HES7: variants seen among roughly 807,000 people sequenced by gnomAD.
The protein encoded by HES7 is hes family bHLH transcription factor 7, also known as transcription factor HES-7.
HES7 carries 8 observed loss-of-function variants against 18.0 expected under a neutral mutation model. The ratio of observed to expected loss-of-function variants is 0.45; its 90% confidence interval spans 0.26 to 0.80. The LOEUF is 0.80. HES7 is among the 30% of genes least tolerant of loss of function. HES7 has a pLI of 0.18. For synonymous variants in HES7, 170 were observed against 158.6 expected (o/e 1.07, Z -0.54); for missense variants, 356 against 340.9 (o/e 1.04, Z -0.35).
upstream of HES7, among the ~76,000 whole-genome samples, chr17:8,124,987 C>G (rs1027662721): frequency 6.6e-6 from 1 of 152,162 alleles, no homozygotes; most frequent in African/African-American, 2.4e-5. Flanking sequence ...AGTGTGCCCG[C>G]ATTGCTTGCT....
rs1981368935 is a variant in HES7 at position 8,121,990 on chromosome 17, C to T, written c.274G>A (p.Ala92Thr). 6.5e-7 allele frequency: 1 copy of T among 1,531,850 alleles called. No homozygotes were observed. The highest frequency in any genetic ancestry group is 8.7e-7 in the Non-Finnish European group (1 of 1,148,248). 94.9% of individuals were successfully genotyped at this position (1,531,850 alleles called of 1,614,324 possible). ...CCGGACAAGTAGCAGCTGGCGAGCG[C>T]CTCGGCGTCCTGGACTGGGGACCGG... ...VPRSPVQDAE[A>T]LASCYLSGFR... The change falls in exon 4 of 4, where the codon GCG becomes ACG. Residue 92 changes from alanine to threonine, a missense_variant. Transcript: ENST00000541682.
upstream of HES7, among the ~76,000 whole-genome samples, chr17:8,124,566 T>C (rs1342653874): frequency 6.6e-6 from 1 of 152,216 alleles, no homozygotes; most frequent in East Asian, 1.9e-4. Context: ...TGGGTGAATC[T>C]GTCCGACTCA....
chr17:8,125,947 C>A (rs1981591657), upstream of HES7, among the ~76,000 whole-genome samples: 1 of 152,198 alleles, frequency 6.6e-6, no homozygotes, highest in Admixed American at 6.5e-5. Flanking sequence ...GAGTTTGCAG[C>A]CCCAGGCCTA....
At position 8,122,924 on chromosome 17, in the gene HES7, G is replaced by T; in HGVS notation, c.138+107C>A. The T allele has an allele frequency of 1.2e-6, 1 of 834,550 alleles. No individual in the cohort carries two copies. The highest frequency in any genetic ancestry group is 2.0e-6 in the Non-Finnish European group (1 of 493,094). The allele number at this position is 834,550 out of a possible 1,614,324, so 51.7% of individuals were successfully genotyped here. A position where few individuals can be genotyped will look rare whatever the true frequency, so the allele number is the denominator to read the frequency against. On this transcript the variant is annotated intron_variant, in intron 2 of 3. Transcript: ENST00000541682. The surrounding 1 kb of genome is among the most constrained non-coding windows in gnomAD (Gnocchi z 6.9). The stretch of plus-strand genomic sequence containing the variant: ...CCAAAGGCGGGACTCGGGTGAGGAT[G>T]CCTTGGGGCCAGGGTTGCCAACCAA...
chr17:8,122,464 A>T lies in HES7; in HGVS notation c.139-34T>A. 1.2e-4 allele frequency: 134 copies of T among 1,137,248 alleles called. No homozygotes were observed. Among genetic ancestry groups the T allele is most frequent in the Middle Eastern group, 2.0e-4 (1 of 5,128 alleles). The allele number at this position is 1,137,248 out of a possible 1,614,324, so 70.4% of individuals were successfully genotyped here. ...GGGAGGGGAGGGCGCAGAGACAGAA[A>T]GGGGTGGGGAGAAAGGGGGAAAGTG... On this transcript the variant is annotated intron_variant, in intron 2 of 3. Coordinates refer to ENST00000541682, the MANE Select transcript of HES7 (RefSeq NM_001165967.2). This position sits in a 1 kb window ranked among gnomAD's most constrained non-coding sequence, Gnocchi z 6.9.
In HES7 at chr17:8,122,448, G is replaced by C. The variant is rs1396862922; in HGVS notation, c.139-18C>G. 6.5e-7 allele frequency: 1 copy of C among 1,545,136 alleles called. No homozygotes were observed. The highest frequency in any genetic ancestry group is 1.2e-5 in the South Asian group (1 of 84,552). ...CGGAGGTTCTACAGACGGGAGGGGA[G>C]GGCGCAGAGACAGAAAGGGGTGGGG... On this transcript the variant is annotated intron_variant, in intron 2 of 3. Coordinates refer to ENST00000541682, the MANE Select transcript of HES7 (RefSeq NM_001165967.2). The surrounding 1 kb of genome is among the most constrained non-coding windows in gnomAD (Gnocchi z 6.9).
chr17:8,123,828 G>A lies in HES7; in HGVS notation c.42+215C>T, dbSNP rs952643854. ...CCGACACCCATTACCGAGGCCCCTA[G>A]TCCTATGTTCCCGCCGCCCACTCAG... On this transcript the variant is annotated intron_variant, in intron 1 of 3. Coordinates refer to ENST00000541682, the MANE Select transcript of HES7 (RefSeq NM_001165967.2). This position sits in a 1 kb window ranked among gnomAD's most constrained non-coding sequence, Gnocchi z 5.9. Among the ~76,000 whole-genome samples the A allele has an allele frequency of 6.6e-6, 1 of 152,192 alleles. No individual in the cohort carries two copies. The highest frequency in any genetic ancestry group is 1.5e-5 in the Non-Finnish European group (1 of 68,040).
At chr17:8,125,967 G>A (rs1423118008), upstream of HES7, among the ~76,000 whole-genome samples, 1 of 152,032 alleles carries the variant, frequency 6.6e-6, no homozygotes, top group Non-Finnish European at 1.5e-5. Context: ...AAACGATTCC[G>A]CACGCCCTCG....
upstream of HES7, among the ~76,000 whole-genome samples, chr17:8,124,377 G>A (rs1981517238): frequency 1.3e-5 from 2 of 152,174 alleles, no homozygotes; most frequent in South Asian, 4.1e-4. Context: ...GGCTATTGGG[G>A]CAGAGCTCGC....
rs1981387872 is a variant in HES7 at position 8,122,235 on chromosome 17, G to T, written c.226+108C>A. 3 of 1,053,632 alleles carry T rather than the reference G, an allele frequency of 2.8e-6. No homozygotes were observed. The highest frequency in any genetic ancestry group is 4.2e-6 in the Non-Finnish European group (3 of 706,962). 65.3% of individuals were successfully genotyped at this position (1,053,632 alleles called of 1,614,324 possible). ...TTAACCTCGCCTCGGAGCAGAACCG[G>T]CCACTCCCCAAGCCCACCATCCACC... On this transcript the variant is annotated intron_variant, in intron 3 of 3. Transcript: ENST00000541682. The surrounding 1 kb of genome is among the most constrained non-coding windows in gnomAD (Gnocchi z 6.9).
In HES7 at chr17:8,121,621, G is replaced by T; in HGVS notation, c.643C>A (p.Pro215Thr). The T allele has an allele frequency of 7.6e-7, 1 of 1,313,420 alleles. No homozygotes were observed. The highest frequency in any genetic ancestry group is 9.6e-7 in the Non-Finnish European group (1 of 1,038,688). 81.4% of individuals were successfully genotyped at this position (1,313,420 alleles called of 1,614,324 possible). A position where few individuals can be genotyped will look rare whatever the true frequency, so the allele number is the denominator to read the frequency against. Reference protein sequence around the residue: ...PPPPHRQDGAPKAPLPPPPAF... With the variant: ...PPPPHRQDGATKAPLPPPPAF... ...GGCGGCGGGGGCAGCGGGGCCTTGGGCGCCCCGTCTTGTCTGTGAGGCGGC... is the reference window on the plus strand; with the variant it reads ...GGCGGCGGGGGCAGCGGGGCCTTGGTCGCCCCGTCTTGTCTGTGAGGCGGC... The change falls in exon 4 of 4, where the codon CCC becomes ACC. Residue 215 changes from proline to threonine, a missense_variant. By Grantham distance (38) the Pro-to-Thr change is conservative. Transcript: ENST00000541682.
upstream of HES7, among the ~76,000 whole-genome samples, chr17:8,125,124 C>T (rs1278881547): frequency 6.6e-6 from 1 of 152,166 alleles, no homozygotes; most frequent in African/African-American, 2.4e-5. Context: ...AGAACGATGC[C>T]TGACCACTCG....
In HES7 at chr17:8,123,242, A is replaced by G; in HGVS notation, c.43-116T>C. On this transcript the variant is annotated intron_variant, in intron 1 of 3. Coordinates refer to ENST00000541682, the MANE Select transcript of HES7 (RefSeq NM_001165967.2). The surrounding 1 kb of genome is among the most constrained non-coding windows in gnomAD (Gnocchi z 5.9). ...GCTTCCACCCCGGCCACAAGACCCCAGATTGCCTAGGGCCGGCCCCATTCG... is the reference window on the plus strand; with the variant it reads ...GCTTCCACCCCGGCCACAAGACCCCGGATTGCCTAGGGCCGGCCCCATTCG... The G allele has an allele frequency of 1.3e-6, 1 of 781,554 alleles. No individual in the cohort carries two copies. Among genetic ancestry groups the G allele is most frequent in the East Asian group, 2.7e-5 (1 of 37,348 alleles). The allele number at this position is 781,554 out of a possible 1,614,324, so 48.4% of individuals were successfully genotyped here.
chr17:8,121,830 G>A lies in HES7; in HGVS notation c.434C>T (p.Pro145Leu). 1.3e-6 allele frequency: 2 copies of A among 1,570,356 alleles called. No individual in the cohort carries two copies. Among genetic ancestry groups the A allele is most frequent in the South Asian group, 1.1e-5 (1 of 88,632 alleles). ...PPRPKPVDPR[P>L]PAPRPSLDPA... is the part of the protein sequence containing the mutation. ...GTCCAGGGATGGGCGCGGCGCTGGA[G>A]GCCTCGGATCTACCGGCTTGGGCCG... The change falls in exon 4 of 4, where the codon CCT becomes CTT. Residue 145 changes from proline to leucine, a missense_variant. By Grantham distance (98) the Pro-to-Leu change is moderately conservative. Transcript: ENST00000541682.
upstream of HES7, among the ~76,000 whole-genome samples, chr17:8,126,614 G>A (rs1273956112): frequency 6.6e-6 from 1 of 152,128 alleles, no homozygotes; most frequent in Admixed American, 6.5e-5. Flanking sequence ...GCCACCTGCG[G>A]CGACCACTTG....
At position 8,123,864 on chromosome 17, in the gene HES7, G is replaced by C. The variant is rs959488650; in HGVS notation, c.42+179C>G. 1.9e-4 allele frequency among the ~76,000 whole-genome samples: 29 copies of C among 152,192 alleles called. No individual in the cohort carries two copies. Among genetic ancestry groups the C allele is most frequent in the Admixed American group, 1.9e-3 (29 of 15,286 alleles). On this transcript the variant is annotated intron_variant, in intron 1 of 3. Transcript: ENST00000541682. The surrounding 1 kb of genome is among the most constrained non-coding windows in gnomAD (Gnocchi z 5.9). ...CCGCCGCCCACTCAGGTCTGGCTCT[G>C]ACCCCTGTCCCCTTCTTCATATTTT...
chr17:8,125,829 T>C (rs1568016700), upstream of HES7, among the ~76,000 whole-genome samples: 1 of 152,240 alleles, frequency 6.6e-6, no homozygotes, highest in Non-Finnish European at 1.5e-5. Flanking sequence ...AGTACAGTTT[T>C]CTTTTCTCCC....
At position 8,122,394 on chromosome 17, in the gene HES7, A is replaced by C. The variant is rs1348325; in HGVS notation, c.175T>G (p.Leu59Val). The C allele has an allele frequency of 6.3e-7, 1 of 1,596,714 alleles. No homozygotes were observed. The highest frequency in any genetic ancestry group is 1.7e-5 in the Admixed American group (1 of 57,710). ...RNPKLEKAEI[L>V]EFAVGYLRER... is the part of the protein sequence containing the mutation. ...CTCAAGTAGCCCACGGCGAACTCCA[A>C]TATCTCCGCTTTCTCCAGCTTCGGG... Residue 59 changes from leucine to valine, a missense_variant, in exon 3 of 4, where the codon TTG becomes GTG. Leu to Val is a conservative substitution (Grantham distance 32). Coordinates refer to ENST00000541682, the MANE Select transcript of HES7 (RefSeq NM_001165967.2). This position sits in a 1 kb window ranked among gnomAD's most constrained non-coding sequence, Gnocchi z 6.9.
In HES7 at chr17:8,122,473, G is replaced by C; in HGVS notation, c.139-43C>G. On this transcript the variant is annotated intron_variant, in intron 2 of 3. Coordinates refer to ENST00000541682, the MANE Select transcript of HES7 (RefSeq NM_001165967.2). This position sits in a 1 kb window ranked among gnomAD's most constrained non-coding sequence, Gnocchi z 6.9. The stretch of plus-strand genomic sequence containing the variant: ...GGGCGCAGAGACAGAAAGGGGTGGG[G>C]AGAAAGGGGGAAAGTGGCAGGGGGA... 1.5e-6 allele frequency: 2 copies of C among 1,294,188 alleles called. No homozygotes were observed. Among genetic ancestry groups the C allele is most frequent in the Non-Finnish European group, 2.2e-6 (2 of 912,924 alleles). 80.2% of individuals were successfully genotyped at this position (1,294,188 alleles called of 1,614,324 possible).
Sources: allele counts gnomAD v4.1 joint callset (sites outside exome capture counted in the v4.1 genomes callset), GRCh38; gene constraint gnomAD v4.1.1; non-coding constraint Gnocchi (gnomAD v3.1); transcripts MANE v1.5; gene names NCBI Gene and HGNC (gene_info 2026-07-23, HGNC 2026-07-21).